DLGAP2: variants seen among roughly 807,000 people sequenced by gnomAD.
DLGAP2 encodes the protein DLG associated protein 2, also known as disks large-associated protein 2.
DLGAP2 carries 26 observed loss-of-function variants against 100.3 expected under a neutral mutation model. The observed-to-expected ratio is 0.26, with a 90% CI of 0.19 to 0.36. The LOEUF (loss-of-function observed/expected upper bound fraction) is 0.36, where lower values mean the gene tolerates loss of function less well. DLGAP2 is among the 10% of genes least tolerant of loss of function. The pLI is 1.00. For synonymous variants in DLGAP2, 886 were observed against 630.1 expected (o/e 1.41, Z -6.08); for missense variants, 1,858 against 1,453.2 (o/e 1.28, Z -4.53).
intron 2 of DLGAP2, among the ~76,000 whole-genome samples, chr8:1,251,705 C>G (rs775561677): frequency 2.0e-5 from 3 of 152,202 alleles, no homozygotes; most frequent in Admixed American, 2.0e-4. Context: ...GTCAGGTCAT[C>G]ATGTCATACA....
intron 2 of DLGAP2, among the ~76,000 whole-genome samples, chr8:1,234,171 T>A (rs992653946): frequency 1.3e-5 from 2 of 152,224 alleles, no homozygotes; most frequent in African/African-American, 4.8e-5. Flanking sequence ...AAGCGGAAAG[T>A]CCTGTGCGGC....
At chr8:1,202,210 GTGTA>G (rs1306531667) in intron 2 of DLGAP2, among the ~76,000 whole-genome samples, 1 of 151,866 alleles carries the variant, frequency 6.6e-6, no homozygotes, top group Non-Finnish European at 1.5e-5. Flanking sequence ...GTTGGTGTAT[GTGTA>G]TGCATGTATT....
chr8:1,596,242 T>C (rs998229010), intron 6 of DLGAP2, among the ~76,000 whole-genome samples: 11 of 152,238 alleles, frequency 7.2e-5, no homozygotes, highest in African/African-American at 2.2e-4. Flanking sequence ...ATGGTGTATA[T>C]GTGCCACATT....
chr8:1,161,649 C>T (rs897823443), intron 2 of DLGAP2, among the ~76,000 whole-genome samples: 1 of 152,188 alleles, frequency 6.6e-6, no homozygotes, highest in East Asian at 1.9e-4. Context: ...GGGGTTTGAA[C>T]GCCTGTAGGG....
intron 2 of DLGAP2, among the ~76,000 whole-genome samples, chr8:1,096,706 C>T (rs1321273969): frequency 4.9e-5 from 7 of 143,214 alleles, no homozygotes. Flanking sequence ...GAGAGGTCCC[C>T]TCCAGCGTGA....
At position 1,410,979 on chromosome 8, in the gene DLGAP2, C is replaced by T. The variant is rs183210914; in HGVS notation, c.107-90387C>T. ...TTTGTTATAATTGCATAGTGTTGTA[C>T]GTTACTTTGACTTGCCAGCTAAACT... On this transcript the variant is annotated intron_variant, in intron 3 of 14. Transcript: ENST00000637795. 4.5e-4 allele frequency among the ~76,000 whole-genome samples: 68 copies of T among 152,136 alleles called. No homozygotes were observed. In the East Asian group the frequency reaches 8.5e-3, roughly 19 times the overall value.
In DLGAP2 at chr8:784,739, GC is replaced by G. The variant is rs1055130659; in HGVS notation, c.18+46917del. 1.2e-3 allele frequency among the ~76,000 whole-genome samples: 183 copies of G among 152,314 alleles called. 2 individuals are homozygous for G. The highest frequency in any genetic ancestry group is 4.3e-3 in the African/African-American group (177 of 41,576). On this transcript the variant is annotated intron_variant, in intron 1 of 14. Coordinates refer to ENST00000637795, the MANE Select transcript of DLGAP2 (RefSeq NM_001346810.2). ...CCTAAATCCGGGAAAGACCACACGG[GC>G]CCATGCCTGTGAAGACCAGTGCCAT...
chr8:809,328 C>G (rs1326917854), intron 1 of DLGAP2, among the ~76,000 whole-genome samples: 3 of 152,186 alleles, frequency 2.0e-5, no homozygotes, highest in Non-Finnish European at 4.4e-5. Context: ...AGGGTTCTTT[C>G]TCACTATTTG....
chr8:1,112,357 C>G (rs952030911), intron 2 of DLGAP2, among the ~76,000 whole-genome samples: 3 of 149,690 alleles, frequency 2.0e-5, no homozygotes, highest in Non-Finnish European at 4.4e-5. Flanking sequence ...ACTCCTGACT[C>G]AGCCTCCCGA....
intron 2 of DLGAP2, among the ~76,000 whole-genome samples, chr8:914,993 C>T (rs1053211842): frequency 1.3e-5 from 2 of 152,086 alleles, no homozygotes; most frequent in Admixed American, 1.3e-4. Flanking sequence ...TCTCCAAACC[C>T]CACTCTCCAC....
At chr8:1,647,061 A>G (rs1440153329) in intron 8 of DLGAP2, among the ~76,000 whole-genome samples, 1 of 152,142 alleles carries the variant, frequency 6.6e-6, no homozygotes, top group African/African-American at 2.4e-5. Flanking sequence ...CGGGGCATGG[A>G]GGCCACCACC....
At chr8:1,303,221 C>T (rs1047187178) in intron 3 of DLGAP2, among the ~76,000 whole-genome samples, 1 of 152,068 alleles carries the variant, frequency 6.6e-6, no homozygotes, top group African/African-American at 2.4e-5. Context: ...CACGGTGAAA[C>T]CCCGTCTCTA....
chr8:1,129,823 G>T (rs1480219371), intron 2 of DLGAP2, among the ~76,000 whole-genome samples: 1 of 152,162 alleles, frequency 6.6e-6, no homozygotes, highest in East Asian at 1.9e-4. Flanking sequence ...TCATGTCTGG[G>T]AGCGCTGACT....
chr8:1,311,781 C>T (rs1433332722), intron 3 of DLGAP2, among the ~76,000 whole-genome samples: 1 of 151,964 alleles, frequency 6.6e-6, no homozygotes, highest in Admixed American at 6.5e-5. Context: ...TGAAAAGCCA[C>T]AGCCAAGACA....
chr8:1,255,276 C>CTCA lies in DLGAP2; in HGVS notation c.74-3573_74-3572insATC, dbSNP rs58894192. Among the ~76,000 whole-genome samples, 6 of 100,250 alleles carry CTCA rather than the reference C, an allele frequency of 6.0e-5. 1 individual carries two copies. Among genetic ancestry groups the CTCA allele is most frequent in the African/African-American group, 1.2e-4 (2 of 16,530 alleles). 65.8% of individuals were successfully genotyped at this position (100,250 alleles called of 152,430 possible). A position where few individuals can be genotyped will look rare whatever the true frequency, so the allele number is the denominator to read the frequency against. On this transcript the variant is annotated intron_variant, in intron 2 of 14. Transcript: ENST00000637795. ...TGCCCGGGTGCTGTGTGTGTGTCCT[C>CTCA]TCCTGCCTGGGTGCTGTGTGTGTGC...
Position 1,289,715 on chromosome 8 carries a change from A to G in DLGAP2, c.106+30832A>G, listed in dbSNP as rs539388206. Among the ~76,000 whole-genome samples, 13 of 152,236 alleles carry G rather than the reference A, an allele frequency of 8.5e-5. No individual in the cohort carries two copies. In the East Asian group the frequency reaches 2.1e-3, roughly 25 times the overall value. ...TCACAGAAGTACCCCCCCGAGGCTA[A>G]TGTTGTGAGACTGTGCAACCCCAGG... On this transcript the variant is annotated intron_variant, in intron 3 of 14. Coordinates refer to ENST00000637795, the MANE Select transcript of DLGAP2 (RefSeq NM_001346810.2).
intron 2 of DLGAP2, among the ~76,000 whole-genome samples, chr8:1,230,209 A>C (rs1043302151): frequency 6.6e-6 from 1 of 152,240 alleles, no homozygotes; most frequent in African/African-American, 2.4e-5. Context: ...TAGCATTTCT[A>C]GAAACCAGTG....
intron 3 of DLGAP2, among the ~76,000 whole-genome samples, chr8:1,319,221 C>T (rs1800839355): frequency 6.6e-6 from 1 of 152,132 alleles, no homozygotes; most frequent in African/African-American, 2.4e-5. Context: ...GCTGCCACCC[C>T]AGTGAACTGC....
At chr8:1,499,600 G>C (rs891329691) in intron 3 of DLGAP2, among the ~76,000 whole-genome samples, 1 of 152,194 alleles carries the variant, frequency 6.6e-6, no homozygotes, top group Non-Finnish European at 1.5e-5. Flanking sequence ...GAAAAACGCA[G>C]CTTAAACTAT....
Sources: allele counts gnomAD v4.1 joint callset (sites outside exome capture counted in the v4.1 genomes callset), GRCh38; gene constraint gnomAD v4.1.1; transcripts MANE v1.5; gene names NCBI Gene and HGNC (gene_info 2026-07-23, HGNC 2026-07-21).